Variants in AFF1 observed in about 807,000 individuals in gnomAD.
The protein encoded by AFF1 is ALF transcription elongation factor 1.
A neutral mutation model predicts 121.7 loss-of-function variants in AFF1; 48 were observed. The ratio of observed to expected loss-of-function variants is 0.39; its 90% CI spans 0.31 to 0.50. The LOEUF (loss-of-function observed/expected upper bound fraction) is 0.50. AFF1 is among the 20% of genes least tolerant of loss of function. AFF1 has a pLI of 0.76. For missense variants in AFF1, 1,523 were observed against 1,511.7 expected (o/e 1.01, Z -0.12); for synonymous variants, 613 against 563.0 (o/e 1.09, Z -1.26).
intron 2 of AFF1, among the ~76,000 whole-genome samples, chr4:86,965,525 A>G (rs2149473202): frequency 6.6e-6 from 1 of 152,304 alleles, no homozygotes; most frequent in South Asian, 2.1e-4. Flanking sequence ...TTGCATTCTA[A>G]GTCTATATCT....
At chr4:87,091,147 G>A (rs1289165224) in intron 6 of AFF1, among the ~76,000 whole-genome samples, 1 of 151,620 alleles carries the variant, frequency 6.6e-6, no homozygotes, top group Non-Finnish European at 1.5e-5. Flanking sequence ...GCTTATGCTT[G>A]TAATCCCAGG....
chr4:87,069,452 C>A (rs1721752109), intron 4 of AFF1, among the ~76,000 whole-genome samples: 1 of 148,632 alleles, frequency 6.7e-6, no homozygotes, highest in African/African-American at 2.5e-5. Context: ...TCCCTATCCT[C>A]TTCCTCCCTC....
At chr4:86,942,350 A>G (rs1720525630) in intron 1 of AFF1, among the ~76,000 whole-genome samples, 2 of 152,230 alleles carry the variant, frequency 1.3e-5, no homozygotes, top group African/African-American at 4.8e-5. Context: ...GGTTACACAG[A>G]ATCAGGTGAC....
intron 2 of AFF1, among the ~76,000 whole-genome samples, chr4:86,980,729 CTGAT>C (rs1172699661): frequency 4.3e-4 from 65 of 152,120 alleles, no homozygotes; most frequent in Non-Finnish European, 7.9e-4. Context: ...AACTTAAAAA[CTGAT>C]TGAAGAGAAC....
chr4:87,001,628 G>T (rs976465142), intron 2 of AFF1, among the ~76,000 whole-genome samples: 1 of 152,198 alleles, frequency 6.6e-6, no homozygotes, highest in Non-Finnish European at 1.5e-5. Flanking sequence ...TTTGCCCTTA[G>T]GTCGTGAGAA....
chr4:87,038,012 C>T (rs530797287), intron 2 of AFF1, among the ~76,000 whole-genome samples: 2 of 152,222 alleles, frequency 1.3e-5, no homozygotes, highest in African/African-American at 4.8e-5. Flanking sequence ...AAGACTGAGC[C>T]TTCTGTGGCA....
At chr4:86,989,952 C>T (rs1269661851) in intron 2 of AFF1, among the ~76,000 whole-genome samples, 1 of 152,106 alleles carries the variant, frequency 6.6e-6, no homozygotes, top group Non-Finnish European at 1.5e-5. Context: ...CACATGTTCT[C>T]ACTCATCAGT....
intron 2 of AFF1, among the ~76,000 whole-genome samples, chr4:87,001,976 C>T (rs901119117): frequency 6.6e-6 from 1 of 152,064 alleles, no homozygotes; most frequent in Non-Finnish European, 1.5e-5. Context: ...ACCTATGTGA[C>T]GTTTAGACCA....
intron 12 of AFF1, among the ~76,000 whole-genome samples, chr4:87,120,039 A>G (rs1430797183): frequency 6.6e-6 from 1 of 152,204 alleles, no homozygotes; most frequent in Admixed American, 6.5e-5. Context: ...GGCCACTTAC[A>G]TCTAAATTTC....
chr4:86,983,750 C>A (rs946655702), intron 2 of AFF1, among the ~76,000 whole-genome samples: 1 of 148,342 alleles, frequency 6.7e-6, no homozygotes, highest in Non-Finnish European at 1.5e-5. Flanking sequence ...AAATAAAATA[C>A]TTTGTCGCCA....
intron 4 of AFF1, among the ~76,000 whole-genome samples, chr4:87,075,718 G>A (rs1046011709): frequency 1.3e-5 from 2 of 152,186 alleles, no homozygotes; most frequent in Non-Finnish European, 2.9e-5. Flanking sequence ...ATGGATTATA[G>A]TCACAAGATA....
chr4:87,037,441 A>G (rs534413986), intron 2 of AFF1, among the ~76,000 whole-genome samples: 1 of 152,072 alleles, frequency 6.6e-6, no homozygotes, highest in Admixed American at 6.5e-5. Flanking sequence ...CCTTCTGAGT[A>G]GCTGGGATTA....
At chr4:87,071,001 T>G (rs1212125937) in intron 4 of AFF1, among the ~76,000 whole-genome samples, 3 of 152,124 alleles carry the variant, frequency 2.0e-5, no homozygotes, top group African/African-American at 7.2e-5. Context: ...GAAAAAGCAG[T>G]GAGAAAGGAA....
rs537689266 is a variant in AFF1, at chr4:86,998,459, C to T, written c.39-47707C>T. ...AAACAGGTGTGTGTTCATTTTATAACGTTTAGACAATTTTTAAATACCCAG... is the reference window on the plus strand; with the variant it reads ...AAACAGGTGTGTGTTCATTTTATAATGTTTAGACAATTTTTAAATACCCAG... On this transcript the variant is annotated intron_variant, in intron 2 of 20. Coordinates refer to ENST00000395146, the MANE Select transcript of AFF1 (RefSeq NM_001166693.3). Among the ~76,000 whole-genome samples, 16 of 152,234 alleles carry T rather than the reference C, an allele frequency of 1.1e-4. No homozygotes were observed. The South Asian group carries it at 2.1e-3, about 20-fold the overall frequency.
chr4:87,012,217 C>CTTTTTTTTTTTTT lies in AFF1; in HGVS notation c.39-33947_39-33946insTTTTTTTTTTTTT, dbSNP rs68156863. Among the ~76,000 whole-genome samples, 68 of 115,068 alleles carry CTTTTTTTTTTTTT rather than the reference C, an allele frequency of 5.9e-4. 2 individuals carry two copies. Among genetic ancestry groups the CTTTTTTTTTTTTT allele is most frequent in the East Asian group, 8.1e-4 (3 of 3,716 alleles). The allele number at this position is 115,068 out of a possible 152,430, so 75.5% of individuals were successfully genotyped here. A position where few individuals can be genotyped will look rare whatever the true frequency, so the allele number is the denominator to read the frequency against. Reference sequence around the variant, plus strand: ...GTTAGCAAACTTCTCCATTTCATTTCTTGTTTTTTTTTTTTTTTGTATAAC... The same window carrying CTTTTTTTTTTTTT: ...GTTAGCAAACTTCTCCATTTCATTTCTTTTTTTTTTTTTTTGTTTTTTTTTTTTTTTGTATAAC... On this transcript the variant is annotated intron_variant, in intron 2 of 20. Coordinates refer to ENST00000395146, the MANE Select transcript of AFF1 (RefSeq NM_001166693.3).
intron 2 of AFF1, among the ~76,000 whole-genome samples, chr4:87,002,470 T>C (rs1164500557): frequency 1.4e-5 from 2 of 143,144 alleles, no homozygotes; most frequent in Non-Finnish European, 3.0e-5. Flanking sequence ...CTCACTGTGT[T>C]GCCCAGGCTG....
intron 12 of AFF1, among the ~76,000 whole-genome samples, 180 bp from the exon 13 acceptor site, chr4:87,124,856 CT>C (rs1243809584): frequency 6.6e-6 from 1 of 152,150 alleles, no homozygotes; most frequent in Non-Finnish European, 1.5e-5. Flanking sequence ...ACATTGTCCC[CT>C]GCCCACTCCC....
In AFF1 at chr4:86,970,613, A is replaced by G. The variant is rs555919012; in HGVS notation, c.38+22042A>G. 2.0e-5 allele frequency among the ~76,000 whole-genome samples: 3 copies of G among 152,286 alleles called. No homozygotes were observed. In the South Asian group the frequency reaches 6.2e-4, roughly 32 times the overall value. On this transcript the variant is annotated intron_variant, in intron 2 of 20. Transcript: ENST00000395146. Reference sequence around the variant, plus strand: ...TATGGGTAAACATGTATTATAGATGAAAAATAAACATGAATCATATCAGGG... The same window carrying G: ...TATGGGTAAACATGTATTATAGATGGAAAATAAACATGAATCATATCAGGG...
At chr4:87,101,729 G>T (rs1325135908) in intron 8 of AFF1, among the ~76,000 whole-genome samples, 1 of 152,142 alleles carries the variant, frequency 6.6e-6, no homozygotes, top group Non-Finnish European at 1.5e-5. Context: ...ACTTGTTAGT[G>T]GTTCCCGAAA....
Sources: gnomAD v4.1 joint callset for allele counts (sites outside exome capture counted in the v4.1 genomes callset) on GRCh38, gnomAD v4.1.1 for gene constraint, MANE v1.5 for transcripts, NCBI Gene and HGNC (gene_info 2026-07-23, HGNC 2026-07-21) for gene names.